The following TTLL11 variants were observed in gnomAD, a reference collection of about 807,000 sequenced individuals.
TTLL11 encodes tubulin polyglutamylase TTLL11.
Under a neutral mutation model 51.7 loss-of-function variants are expected in TTLL11, and 42 were observed. That is an observed-to-expected ratio of 0.81 (90% CI 0.64 to 1.05). The LOEUF (loss-of-function observed/expected upper bound fraction) is 1.05. Ranked by LOEUF, TTLL11 falls within the 50% of genes least tolerant of loss-of-function variation. The pLI is 0.00. For missense variants in TTLL11, 799 were observed against 940.4 expected (o/e 0.85, Z 1.97); for synonymous variants, 381 against 383.5 (o/e 0.99, Z 0.08).
At chr9:121,947,474 C>T (rs749390250) in intron 6 of TTLL11, among the ~76,000 whole-genome samples, 7 of 152,064 alleles carry the variant, frequency 4.6e-5, no homozygotes, top group Admixed American at 6.5e-5. Context: ...CTCAAGTGTG[C>T]GAAAAATATA....
intron 2 of TTLL11, among the ~76,000 whole-genome samples, chr9:122,032,108 T>G (rs1335931258): frequency 6.6e-6 from 1 of 152,246 alleles, no homozygotes; most frequent in African/African-American, 2.4e-5. Flanking sequence ...TTTGAAGGAA[T>G]GAGTTTTCAC....
In TTLL11 at chr9:121,822,830, C is replaced by T. The variant is rs1350642595; in HGVS notation, c.1890G>A (p.Arg630=). The T allele has an allele frequency of 7.7e-6, 12 of 1,551,464 alleles. No homozygotes were observed. Among genetic ancestry groups the T allele is most frequent in the Non-Finnish European group, 1.0e-5 (12 of 1,146,956 alleles). The part of the protein sequence containing the change: ...FVEAFFFLAQ[R]KFKMLPLHEQ... ...CATGAAGTGGCAGCATCTTGAACTT[C>T]CTCTGAGCCAGGAAAAAGAAAGCTT... Residue 630 remains arginine (R), a synonymous_variant, in exon 9 of 9, where the codon AGG becomes AGA. Coordinates refer to ENST00000321582, the MANE Select transcript of TTLL11 (RefSeq NM_001139442.2). This position sits in a 1 kb window ranked among gnomAD's most constrained non-coding sequence, Gnocchi z 5.8.
chr9:121,988,214 C>T (rs889728698), intron 4 of TTLL11, among the ~76,000 whole-genome samples: 2 of 152,184 alleles, frequency 1.3e-5, no homozygotes, highest in Non-Finnish European at 2.9e-5. Flanking sequence ...ACCATCCTCT[C>T]CAGCTTATGT....
At chr9:122,037,265 C>G (rs1844729574) in intron 2 of TTLL11, among the ~76,000 whole-genome samples, 1 of 152,168 alleles carries the variant, frequency 6.6e-6, no homozygotes, top group Non-Finnish European at 1.5e-5. Context: ...AGTGGCATCA[C>G]AAAGCATCCT....
intron 1 of TTLL11, among the ~76,000 whole-genome samples, chr9:122,053,791 G>A (rs373762945): frequency 3.3e-5 from 5 of 152,084 alleles, no homozygotes; most frequent in African/African-American, 1.2e-4. Flanking sequence ...CCTCCTGCCC[G>A]TGGGCTACAT....
intron 6 of TTLL11, among the ~76,000 whole-genome samples, chr9:121,968,846 T>C (rs1166474986): frequency 6.6e-6 from 1 of 151,956 alleles, no homozygotes; most frequent in African/African-American, 2.4e-5. Flanking sequence ...TTACCATACA[T>C]TAAAAGTTTT....
intron 6 of TTLL11, among the ~76,000 whole-genome samples, chr9:121,957,470 C>T (rs1203044461): frequency 6.6e-6 from 1 of 152,198 alleles, no homozygotes; most frequent in South Asian, 2.1e-4. Flanking sequence ...GGGCTGAGCA[C>T]ACCCAGGGTA....
chr9:122,014,831 G>A (rs1843916674), intron 3 of TTLL11, among the ~76,000 whole-genome samples: 1 of 152,158 alleles, frequency 6.6e-6, no homozygotes, highest in African/African-American at 2.4e-5. Context: ...ATGACGGGAT[G>A]TAGACCCTAT....
intron 3 of TTLL11, among the ~76,000 whole-genome samples, chr9:121,990,028 C>T (rs1843065568): frequency 6.6e-5 from 10 of 152,176 alleles, no homozygotes. Context: ...GGGTTCAAAT[C>T]CTGTTTCGCC....
intron 1 of TTLL11, among the ~76,000 whole-genome samples, chr9:122,073,145 C>G (rs1415840043): frequency 6.6e-6 from 1 of 152,128 alleles, no homozygotes; most frequent in East Asian, 1.9e-4. Context: ...GGTGGTGGCT[C>G]ACACCTATAA....
intron 8 of TTLL11, among the ~76,000 whole-genome samples, chr9:121,824,243 G>A (rs560920573): frequency 1.1e-4 from 16 of 152,204 alleles, no homozygotes; most frequent in Admixed American, 2.0e-4. Flanking sequence ...TTGGGAGGCC[G>A]AGGTGGGCGG....
At chr9:121,985,475 G>T (rs1842918279) in intron 4 of TTLL11, among the ~76,000 whole-genome samples, 1 of 130,698 alleles carries the variant, frequency 7.7e-6, no homozygotes, top group African/African-American at 3.7e-5. Context: ...AATAAAGTAA[G>T]AGAGGGCTCC....
At chr9:122,054,728 C>T (rs918466300) in intron 1 of TTLL11, among the ~76,000 whole-genome samples, 1 of 152,172 alleles carries the variant, frequency 6.6e-6, no homozygotes, top group African/African-American at 2.4e-5. Context: ...CAGTAATCTC[C>T]CAGTTCTCTA....
chr9:121,943,395 A>G (rs190071634), intron 6 of TTLL11, among the ~76,000 whole-genome samples: 5 of 152,198 alleles, frequency 3.3e-5, no homozygotes, highest in Non-Finnish European at 7.4e-5. Context: ...AATAAGATCT[A>G]TGTGGATGTG....
chr9:122,016,011 A>G (rs775391215), intron 3 of TTLL11, among the ~76,000 whole-genome samples: 7 of 152,186 alleles, frequency 4.6e-5, no homozygotes, highest in Non-Finnish European at 8.8e-5. Context: ...TAGTCACTAG[A>G]CAGTGTAATT....
intron 1 of TTLL11, among the ~76,000 whole-genome samples, chr9:122,051,727 C>T (rs1845166001): frequency 6.6e-6 from 1 of 152,120 alleles, no homozygotes; most frequent in African/African-American, 2.4e-5. Flanking sequence ...AGACAGTCCC[C>T]AGTCAATGCC....
chr9:121,914,337 G>A (rs1294415297), intron 6 of TTLL11, among the ~76,000 whole-genome samples: 1 of 152,208 alleles, frequency 6.6e-6, no homozygotes, highest in Non-Finnish European at 1.5e-5. Context: ...CCTTTTACAG[G>A]GAAGTTTGCC....
intron 6 of TTLL11, among the ~76,000 whole-genome samples, chr9:121,933,413 A>G (rs1019878824): frequency 6.6e-6 from 1 of 152,126 alleles, no homozygotes; most frequent in Non-Finnish European, 1.5e-5. Flanking sequence ...GGAGTAACTG[A>G]TGGAGTAATG....
intron 8 of TTLL11, among the ~76,000 whole-genome samples, chr9:121,846,203 T>C (rs1393469842): frequency 6.6e-6 from 1 of 152,168 alleles, no homozygotes; most frequent in Non-Finnish European, 1.5e-5. Context: ...TGAGTAATAA[T>C]GATAAAGGGA....
Sources: gnomAD v4.1 joint callset for allele counts (sites outside exome capture counted in the v4.1 genomes callset) on GRCh38, gnomAD v4.1.1 for gene constraint, Gnocchi (gnomAD v3.1) non-coding constraint, MANE v1.5 for transcripts, NCBI Gene and HGNC (gene_info 2026-07-23, HGNC 2026-07-21) for gene names.